Variants in WNK2 observed in about 807,000 individuals in gnomAD.
WNK2 encodes serine/threonine-protein kinase WNK2.
Under a neutral mutation model 192.1 loss-of-function variants are expected in WNK2, and 67 were observed. The ratio of observed to expected loss-of-function variants is 0.35; its 90% confidence interval spans 0.29 to 0.43. WNK2 has a LOEUF of 0.43. Ranked by LOEUF, WNK2 falls within the 20% of genes least tolerant of loss-of-function variation. The probability of loss-of-function intolerance (pLI) is 1.00; values close to 1 mark genes in which losing one functional copy is unlikely to be tolerated. For missense variants in WNK2, 2,698 were observed against 3,089.7 expected (o/e 0.87, Z 3.01); for synonymous variants, 1,439 against 1,393.9 (o/e 1.03, Z -0.72).
Position 93,262,083 on chromosome 9 carries a change from G to C in WNK2, c.3336G>C (p.Gln1112His), listed in dbSNP as rs28654199. Residue 1112 changes from glutamine (Q) to histidine (H), a missense_variant, in exon 13 of 30, where the codon CAG (glutamine) becomes CAC (histidine). Physicochemically the swap from Gln to His is conservative, Grantham distance 24. Transcript: ENST00000427277. ...TCGCCAGCCCTTGCCCAACTGTCCA[G>C]CTGACGGTGGAACCAGTCCAAGAGG... ...PGIASPCPTV[Q>H]LTVEPVQEEQ... 12,093 of 1,604,454 alleles carry C rather than the reference G, an allele frequency of 7.5e-3. 794 individuals are homozygous for C. In the African/African-American group the frequency reaches 0.14, roughly 19 times the overall value.
chr9:93,238,784 C>A (rs1256568225), intron 6 of WNK2, among the ~76,000 whole-genome samples: 1 of 152,132 alleles, frequency 6.6e-6, no homozygotes, highest in South Asian at 2.1e-4. Context: ...GGTTGTTTGG[C>A]CCTTCTCAAA....
chr9:93,246,065 C>A (rs941696141), intron 7 of WNK2, among the ~76,000 whole-genome samples: 2 of 152,166 alleles, frequency 1.3e-5, no homozygotes, highest in South Asian at 2.1e-4. Flanking sequence ...CCACCTGATA[C>A]CAGCAGTGAC....
Position 93,292,371 on chromosome 9 carries a change from C to T in WNK2, c.5000C>T (p.Ser1667Phe), listed in dbSNP as rs569229585. The change falls in exon 22 of 30, where the codon TCC becomes TTC. Residue 1667 changes from serine to phenylalanine, a missense_variant. Coordinates refer to ENST00000427277, the MANE Select transcript of WNK2 (RefSeq NM_006648.4). The part of the protein sequence containing the change: ...DRDGRQVASD[S>F]HVVPSVPQDV... ...GATGGAAGGCAGGTGGCCTCAGACT[C>T]CCATGTGGTCCCCAGCGTCCCCCAG... 1.2e-6 allele frequency: 2 copies of T among 1,613,958 alleles called. No individual in the cohort carries two copies. The highest frequency in any genetic ancestry group is 2.7e-5 in the African/African-American group (2 of 75,048).
intron 4 of WNK2, among the ~76,000 whole-genome samples, chr9:93,232,964 C>CAAAAAAA (rs71511650): frequency 1.5e-4 from 12 of 81,882 alleles, no homozygotes; most frequent in East Asian, 4.3e-4. Flanking sequence ...CCTGTCTCTA[C>CAAAAAAA]AAAAAAAAAA....
intron 2 of WNK2, among the ~76,000 whole-genome samples, chr9:93,211,246 T>C (rs375446842): frequency 3.5e-5 from 1 of 28,254 alleles, no homozygotes; most frequent in Non-Finnish European, 6.8e-5. Flanking sequence ...ACTCATTCAC[T>C]CACTCACTCA....
intron 27 of WNK2, 151 bp from the exon 28 acceptor site, chr9:93,308,177 C>T: frequency 2.1e-6 from 3 of 1,420,788 alleles, no homozygotes; most frequent in Middle Eastern, 2.6e-4. Flanking sequence ...CAGCCAGGCC[C>T]CTTAATCCGA....
intron 4 of WNK2, among the ~76,000 whole-genome samples, 155 bp downstream of exon 4, chr9:93,231,263 AC>A (rs1838749494): frequency 6.6e-6 from 1 of 151,962 alleles, no homozygotes; most frequent in Admixed American, 6.5e-5. Flanking sequence ...TGTCTGGGCT[AC>A]CCCACCAAGC....
chr9:93,298,053 T>G lies in WNK2; in HGVS notation c.5909T>G (p.Val1970Gly), dbSNP rs1850910735. Residue 1970 changes from valine (V) to glycine (G), a missense_variant, in exon 24 of 30, where the codon GTG becomes GGG. Val to Gly is a moderately radical substitution (Grantham distance 109). Transcript: ENST00000427277. ...CCCCTGGTGCGGCAGCTCAAGGTCG[T>G]GGCCTCCAGCACAGGTCGGCCTCCG... is the stretch of plus-strand genomic sequence containing the variant. ...LNPLVRQLKV[V>G]ASSTGHLADS... is the part of the protein sequence containing the mutation. 6.5e-7 allele frequency: 1 copy of G among 1,550,320 alleles called. No individual in the cohort carries two copies.
At chr9:93,311,866 C>T (rs907060013) in intron 28 of WNK2, among the ~76,000 whole-genome samples, 3 of 149,414 alleles carry the variant, frequency 2.0e-5, no homozygotes, top group African/African-American at 4.9e-5. Context: ...GTGATCCACC[C>T]GCCTCGGCCT....
chr9:93,206,297 C>T (rs575729815), intron 2 of WNK2, among the ~76,000 whole-genome samples: 13 of 152,162 alleles, frequency 8.5e-5, no homozygotes, highest in Non-Finnish European at 1.6e-4. Flanking sequence ...GAGGTGGGTA[C>T]AGGGAGTTGC....
Position 93,247,955 on chromosome 9 carries a change from G to C in WNK2, c.1834+121G>C. 8.7e-7 allele frequency: 1 copy of C among 1,150,550 alleles called. No homozygotes were observed. The highest frequency in any genetic ancestry group is 1.5e-5 in the South Asian group (1 of 64,874). 71.3% of individuals were successfully genotyped at this position (1,150,550 alleles called of 1,614,324 possible). ...ATTGGAATGCTTTGTGAGGAAGGGG[G>C]TCCGCATGGCATCCCCTCGGAGGAG... On this transcript the variant is annotated intron_variant, in intron 8 of 29. Coordinates refer to ENST00000427277, the MANE Select transcript of WNK2 (RefSeq NM_006648.4). The surrounding 1 kb of genome is among the most constrained non-coding windows in gnomAD (Gnocchi z 5.2).
Position 93,289,631 on chromosome 9 carries a change from G to A in WNK2, c.4866+11G>A. The A allele has an allele frequency of 6.9e-7, 1 of 1,453,942 alleles. No individual in the cohort carries two copies. Among genetic ancestry groups the A allele is most frequent in the Non-Finnish European group, 9.0e-7 (1 of 1,108,462 alleles). 90.1% of individuals were successfully genotyped at this position (1,453,942 alleles called of 1,614,324 possible). ...CTGCCCCAGCCCTTGGTGAGTAGCT[G>A]CCTTGTCCCAGAGACACTGCCCTGG... On this transcript the variant is annotated intron_variant, in intron 20 of 29. Coordinates refer to ENST00000427277, the MANE Select transcript of WNK2 (RefSeq NM_006648.4).
intron 2 of WNK2, among the ~76,000 whole-genome samples, chr9:93,197,869 G>A (rs983124599): frequency 9.2e-5 from 14 of 152,290 alleles, no homozygotes; most frequent in South Asian, 6.2e-4. Flanking sequence ...TTCCTGGCTC[G>A]GGTGCTGCAT....
intron 19 of WNK2, among the ~76,000 whole-genome samples, chr9:93,273,148 T>C (rs1846258435): frequency 6.6e-6 from 1 of 152,194 alleles, no homozygotes; most frequent in African/African-American, 2.4e-5. Flanking sequence ...GAGACTTTAT[T>C]TATTTACTTA....
chr9:93,220,096 AG>A (rs1836563655), intron 2 of WNK2, among the ~76,000 whole-genome samples: 1 of 152,184 alleles, frequency 6.6e-6, no homozygotes, highest in African/African-American at 2.4e-5. Flanking sequence ...GAATGAGCAT[AG>A]GTCCTGTCTG....
chr9:93,294,023 C>T (rs1849824226), intron 23 of WNK2, among the ~76,000 whole-genome samples: 1 of 151,682 alleles, frequency 6.6e-6, no homozygotes, highest in Non-Finnish European at 1.5e-5. Flanking sequence ...AATATTTATT[C>T]TGTCCTGCTG....
intron 1 of WNK2, among the ~76,000 whole-genome samples, chr9:93,184,698 T>C (rs1244990634): frequency 6.6e-6 from 1 of 151,612 alleles, no homozygotes; most frequent in Non-Finnish European, 1.5e-5. Context: ...GGCCCGTCCC[T>C]CTCCGCAGCC....
At chr9:93,307,422 T>G (rs1324609473) in intron 27 of WNK2, 6 of 152,292 alleles carry the variant, frequency 3.9e-5, no homozygotes, top group African/African-American at 1.4e-4. Flanking sequence ...GTCATTAGAT[T>G]GTTTCTCTAT....
intron 2 of WNK2, among the ~76,000 whole-genome samples, chr9:93,185,992 T>C (rs1829248686): frequency 6.6e-6 from 1 of 152,158 alleles, no homozygotes; most frequent in African/African-American, 2.4e-5. Flanking sequence ...GTCTGGACTG[T>C]TGTGTCTTTG....
Sources: allele counts gnomAD v4.1 joint callset (sites outside exome capture counted in the v4.1 genomes callset), GRCh38; gene constraint gnomAD v4.1.1; non-coding constraint Gnocchi (gnomAD v3.1); transcripts MANE v1.5; gene names NCBI Gene and HGNC (gene_info 2026-07-23, HGNC 2026-07-21).